The following DPP6 variants were observed in gnomAD, a reference collection of about 807,000 sequenced individuals.
DPP6 encodes A-type potassium channel modulatory protein DPP6.
DPP6 carries 69 observed loss-of-function variants against 122.6 expected under a neutral mutation model. That is an observed-to-expected ratio of 0.56 (90% CI 0.46 to 0.69). The LOEUF (loss-of-function observed/expected upper bound fraction) is 0.69, where lower values mean the gene tolerates loss of function less well. DPP6 is among the 30% of genes least tolerant of loss of function. DPP6 has a pLI of 0.00. For synonymous variants in DPP6, 418 were observed against 433.1 expected (o/e 0.97, Z 0.43); for missense variants, 928 against 1,116.9 (o/e 0.83, Z 2.41).
intron 16 of DPP6, among the ~76,000 whole-genome samples, chr7:154,835,300 G>A (rs1384566808): frequency 6.6e-6 from 1 of 152,138 alleles, no homozygotes; most frequent in Non-Finnish European, 1.5e-5. Flanking sequence ...GGAAGGACAA[G>A]CCGCGGACTG....
chr7:153,984,850 G>A (rs926981922), intron 1 of DPP6, among the ~76,000 whole-genome samples: 1 of 152,220 alleles, frequency 6.6e-6, no homozygotes, highest in Non-Finnish European at 1.5e-5. Flanking sequence ...TCTGTGGCGA[G>A]GAAGTTTGAG....
intron 8 of DPP6, among the ~76,000 whole-genome samples, chr7:154,738,179 CGGG>C (rs1345120334): frequency 6.6e-6 from 1 of 152,124 alleles, no homozygotes; most frequent in African/African-American, 2.4e-5. Flanking sequence ...ATGGAAAAGG[CGGG>C]GGTATTTTTT....
At position 154,309,579 on chromosome 7, in the gene DPP6, T is replaced by A. The variant is rs79767320; in HGVS notation, c.244-136635T>A. Reference sequence around the variant, plus strand: ...GATGTTCCTGTCCGCTGCTCTCTGATTTTGATCTTGTTGCTTCTTGCAGTA... The same window carrying A: ...GATGTTCCTGTCCGCTGCTCTCTGAATTTGATCTTGTTGCTTCTTGCAGTA... On this transcript the variant is annotated intron_variant, in intron 1 of 25. Transcript: ENST00000377770. Among the ~76,000 whole-genome samples, 941 of 152,346 alleles carry A rather than the reference T, an allele frequency of 6.2e-3. 13 individuals are homozygous for A. The highest frequency in any genetic ancestry group is 0.021 in the African/African-American group (882 of 41,570).
At chr7:154,768,613 C>T (rs922289829) in intron 8 of DPP6, among the ~76,000 whole-genome samples, 3 of 152,098 alleles carry the variant, frequency 2.0e-5, no homozygotes, top group Non-Finnish European at 2.9e-5. Flanking sequence ...ATTCTCCCAA[C>T]GTGTTGAAAA....
At chr7:154,276,557 A>G (rs908820291) in intron 1 of DPP6, among the ~76,000 whole-genome samples, 1 of 152,216 alleles carries the variant, frequency 6.6e-6, no homozygotes, top group South Asian at 2.1e-4. Flanking sequence ...GGAAATTAAG[A>G]GTGTTATTCT....
intron 1 of DPP6, among the ~76,000 whole-genome samples, chr7:153,905,752 C>A (rs1799823880): frequency 6.6e-6 from 1 of 152,100 alleles, no homozygotes; most frequent in Non-Finnish European, 1.5e-5. Flanking sequence ...AGAGGACTCC[C>A]TTGACTAGGT....
At chr7:154,447,975 A>G (rs1022550231) in intron 2 of DPP6, among the ~76,000 whole-genome samples, 2 of 152,238 alleles carry the variant, frequency 1.3e-5, no homozygotes, top group African/African-American at 4.8e-5. Flanking sequence ...ACTGAAGAGC[A>G]GAAGACTGAA....
In DPP6 at chr7:153,920,563, C is replaced by CT. The variant is rs61553100; in HGVS notation, c.51+32846dup. Among the ~76,000 whole-genome samples the CT allele has an allele frequency of 7.9e-5, 7 of 88,688 alleles. 1 individual carries two copies. The highest frequency in any genetic ancestry group is 9.1e-4 in the South Asian group (2 of 2,196). 58.2% of individuals were successfully genotyped at this position (88,688 alleles called of 152,430 possible). On this transcript the variant is annotated intron_variant, in intron 1 of 25. Transcript: ENST00000404039. ...GTCAACCTTTTTCTTTTATCTCTCT[C>CT]TTTTTTTTTTTTTTTTTGAGATGGA...
chr7:153,796,406 A>G, the DPP6 span, among the ~76,000 whole-genome samples: 1 of 143,368 alleles, frequency 7.0e-6, no homozygotes, highest in Non-Finnish European at 1.5e-5. Flanking sequence ...ACTTTATCTG[A>G]TATTAACGTG....
chr7:154,761,020 A>G (rs1245278046), intron 8 of DPP6, among the ~76,000 whole-genome samples: 1 of 152,058 alleles, frequency 6.6e-6, no homozygotes, highest in Non-Finnish European at 1.5e-5. Flanking sequence ...TTTTTAGTAG[A>G]GACAGGGTTT....
intron 1 of DPP6, among the ~76,000 whole-genome samples, chr7:154,419,896 C>T (rs1437519807): frequency 6.6e-6 from 1 of 152,146 alleles, no homozygotes; most frequent in African/African-American, 2.4e-5. Flanking sequence ...CACCCCCATG[C>T]CCATCTGCAG....
At chr7:154,286,152 G>A (rs575544181) in intron 1 of DPP6, among the ~76,000 whole-genome samples, 72 of 152,270 alleles carry the variant, frequency 4.7e-4, no homozygotes, top group Middle Eastern at 6.8e-3. Context: ...ACTGAGCAGC[G>A]CACTGAGATT....
chr7:154,170,085 G>C (rs912833717), intron 1 of DPP6, among the ~76,000 whole-genome samples: 1 of 152,106 alleles, frequency 6.6e-6, no homozygotes, highest in South Asian at 2.1e-4. Context: ...TTCTAAGGAT[G>C]CCCAGGCCCT....
chr7:154,564,191 G>A (rs2130505761), intron 4 of DPP6, among the ~76,000 whole-genome samples: 1 of 152,178 alleles, frequency 6.6e-6, no homozygotes, highest in East Asian at 1.9e-4. Context: ...TGATAACCTT[G>A]AGAAGAGTAA....
At chr7:154,495,969 C>T (rs1476476389) in intron 3 of DPP6, among the ~76,000 whole-genome samples, 4 of 152,174 alleles carry the variant, frequency 2.6e-5, no homozygotes, top group Non-Finnish European at 5.9e-5. Flanking sequence ...ATTAAACAAA[C>T]ACCTGCCAGA....
chr7:154,584,059 A>G (rs886432330), intron 5 of DPP6, among the ~76,000 whole-genome samples: 25 of 151,630 alleles, frequency 1.6e-4, no homozygotes, highest in Non-Finnish European at 4.4e-5. Context: ...TATCTAAAAA[A>G]CCACCTCTGC....
the DPP6 span, among the ~76,000 whole-genome samples, chr7:153,756,654 A>G: frequency 6.6e-6 from 1 of 152,132 alleles, no homozygotes; most frequent in Admixed American, 6.5e-5. Context: ...TAATTTCTGG[A>G]AGAAATAAGA....
intron 1 of DPP6, chr7:154,094,110 C>T (rs1015534610): frequency 3.3e-5 from 5 of 152,146 alleles, no homozygotes; most frequent in African/African-American, 9.7e-5. Flanking sequence ...TATATTGAAT[C>T]CTAGCTAGAC....
the DPP6 span, among the ~76,000 whole-genome samples, chr7:153,829,177 C>A: frequency 0.042 from 6,339 of 152,118 alleles, 414 homozygotes; most frequent in African/African-American, 0.14. Context: ...TTTCCTGGGG[C>A]CATGTTTTGG....
Sources: gnomAD v4.1 joint callset for allele counts (sites outside exome capture counted in the v4.1 genomes callset) on GRCh38, gnomAD v4.1.1 for gene constraint, MANE v1.5 for transcripts, NCBI Gene and HGNC (gene_info 2026-07-23, HGNC 2026-07-21) for gene names.